Variants in PEX5L observed in about 807,000 individuals in gnomAD.
PEX5L encodes the protein peroxisomal biogenesis factor 5 like.
In PEX5L, 30 loss-of-function variants were observed where a neutral mutation model predicts 84.0. That is an observed-to-expected ratio of 0.36 (90% confidence interval 0.27 to 0.48). The LOEUF (loss-of-function observed/expected upper bound fraction) is 0.48, where lower values mean the gene tolerates loss of function less well. Among genes scored for constraint, PEX5L ranks in the 20% least tolerant of loss-of-function variants. PEX5L has a pLI of 0.99. For synonymous variants in PEX5L, 270 were observed against 283.1 expected, an observed-to-expected ratio of 0.95 and a Z score of 0.46; for missense variants, 533 against 754.6, an observed-to-expected ratio of 0.71 and a Z score of 3.44.
intron 10 of PEX5L, among the ~76,000 whole-genome samples, chr3:179,813,404 T>G (rs893561930): frequency 6.6e-6 from 1 of 152,190 alleles, no homozygotes; most frequent in Non-Finnish European, 1.5e-5. Context: ...GTAAAATACA[T>G]AGCATTTATG....
intron 8 of PEX5L, among the ~76,000 whole-genome samples, chr3:179,836,446 C>A (rs1734948347): frequency 6.6e-6 from 1 of 152,122 alleles, no homozygotes; most frequent in African/African-American, 2.4e-5. Context: ...GAGACCAAAT[C>A]AAAATGGAGT....
chr3:179,807,423 G>A (rs1577115230), intron 14 of PEX5L, among the ~76,000 whole-genome samples: 1 of 152,102 alleles, frequency 6.6e-6, no homozygotes, highest in Non-Finnish European at 1.5e-5. Context: ...AAATCTCAGG[G>A]GCCAGGAATT....
At chr3:179,865,107 C>T (rs764360416) in intron 7 of PEX5L, among the ~76,000 whole-genome samples, 5 of 152,128 alleles carry the variant, frequency 3.3e-5, no homozygotes, top group Non-Finnish European at 4.4e-5. Flanking sequence ...CAAATCTCTC[C>T]GAATTCTAGG....
intron 1 of PEX5L, among the ~76,000 whole-genome samples, chr3:180,027,002 G>A (rs567920308): frequency 2.0e-5 from 3 of 152,218 alleles, no homozygotes; most frequent in South Asian, 4.2e-4. Flanking sequence ...CCAATCAGCC[G>A]TATCTGCCCT....
At chr3:179,878,173 C>T (rs1224661926) in intron 5 of PEX5L, among the ~76,000 whole-genome samples, 2 of 152,166 alleles carry the variant, frequency 1.3e-5, no homozygotes, top group Non-Finnish European at 2.9e-5. Flanking sequence ...TTCACTCCTG[C>T]CCCTCTTCCA....
chr3:179,927,894 ATTAT>A (rs1451831924), intron 2 of PEX5L, among the ~76,000 whole-genome samples: 1 of 152,192 alleles, frequency 6.6e-6, no homozygotes, highest in Admixed American at 6.5e-5. Flanking sequence ...TTCTATTGTA[ATTAT>A]TTAACCTAAT....
chr3:179,976,398 A>G (rs970043580), intron 1 of PEX5L, among the ~76,000 whole-genome samples: 2 of 152,126 alleles, frequency 1.3e-5, no homozygotes, highest in Admixed American at 1.3e-4. Flanking sequence ...AGATAGTGAG[A>G]AAAGACTTGT....
chr3:179,958,605 C>A (rs1177408762), intron 2 of PEX5L, among the ~76,000 whole-genome samples: 1 of 152,154 alleles, frequency 6.6e-6, no homozygotes, highest in East Asian at 1.9e-4. Context: ...AGTTTCACCT[C>A]TTGGTCTCCC....
intron 2 of PEX5L, among the ~76,000 whole-genome samples, chr3:179,932,216 G>A (rs1432854583): frequency 6.6e-6 from 1 of 152,016 alleles, no homozygotes; most frequent in Admixed American, 6.6e-5. Flanking sequence ...GAAAAATAGG[G>A]TTCAAAACCT....
At chr3:179,906,783 A>C (rs1763373330) in intron 2 of PEX5L, among the ~76,000 whole-genome samples, 1 of 152,170 alleles carries the variant, frequency 6.6e-6, no homozygotes, top group African/African-American at 2.4e-5. Flanking sequence ...ACTTTTTCTA[A>C]AAATTCTGCC....
intron 2 of PEX5L, among the ~76,000 whole-genome samples, chr3:179,954,902 A>G (rs754690184): frequency 2.0e-5 from 3 of 151,668 alleles, no homozygotes; most frequent in Non-Finnish European, 4.4e-5. Flanking sequence ...CCTCCCCCTT[A>G]CCCCACTTAC....
intron 7 of PEX5L, among the ~76,000 whole-genome samples, chr3:179,871,250 G>A (rs964397499): frequency 3.3e-5 from 5 of 151,908 alleles, no homozygotes; most frequent in African/African-American, 1.2e-4. Flanking sequence ...CTACAGGCAT[G>A]CACCACCAGG....
chr3:179,919,049 T>C (rs1261700192), intron 2 of PEX5L, among the ~76,000 whole-genome samples: 1 of 152,212 alleles, frequency 6.6e-6, no homozygotes, highest in Non-Finnish European at 1.5e-5. Context: ...TCAAGTACTA[T>C]TTCATTCTAT....
chr3:179,922,568 C>T (rs942509291), intron 2 of PEX5L, among the ~76,000 whole-genome samples: 5 of 151,810 alleles, frequency 3.3e-5, no homozygotes, highest in African/African-American at 1.2e-4. Flanking sequence ...CCCACCTCAG[C>T]CTCCCCAGTA....
intron 2 of PEX5L, among the ~76,000 whole-genome samples, chr3:179,965,673 G>A (rs1041412264): frequency 1.3e-5 from 2 of 152,146 alleles, no homozygotes; most frequent in East Asian, 3.8e-4. Flanking sequence ...CTAGAGTCCA[G>A]TGATGCTTAG....
chr3:179,870,541 C>T (rs1335281600), intron 7 of PEX5L, among the ~76,000 whole-genome samples: 3 of 152,156 alleles, frequency 2.0e-5, no homozygotes, highest in East Asian at 1.9e-4. Context: ...TCTTGGCTAA[C>T]GGACTTGCAT....
chr3:179,880,164 C>G, intron 4 of PEX5L, 41 bp from the exon 5 acceptor site: 3 of 1,250,868 alleles, frequency 2.4e-6, no homozygotes, highest in African/African-American at 1.5e-5. Flanking sequence ...CCATTTACTA[C>G]TCTGAAATTA....
intron 7 of PEX5L, among the ~76,000 whole-genome samples, chr3:179,860,159 G>C (rs1745519989): frequency 6.6e-6 from 1 of 152,062 alleles, no homozygotes; most frequent in African/African-American, 2.4e-5. Flanking sequence ...GCTCTACCAG[G>C]GGATCCATGA....
intron 8 of PEX5L, among the ~76,000 whole-genome samples, chr3:179,840,183 G>GTGTTTTT (rs542803963): frequency 1.3e-5 from 1 of 78,720 alleles, no homozygotes; most frequent in African/African-American, 5.2e-5. Context: ...GTGTGTGTGT[G>GTGTTTTT]TTTTTTTTTT....
Sources: allele counts gnomAD v4.1 joint callset (sites outside exome capture counted in the v4.1 genomes callset), GRCh38; gene constraint gnomAD v4.1.1; transcripts MANE v1.5; gene names NCBI Gene and HGNC (gene_info 2026-07-23, HGNC 2026-07-21).